The following SPOCK1 variants were observed in gnomAD, a reference collection of about 807,000 sequenced individuals.
SPOCK1 encodes testican-1.
SPOCK1 carries 23 observed loss-of-function variants against 55.3 expected under a neutral mutation model. The observed-to-expected ratio is 0.42, with a 90% CI of 0.30 to 0.59. The LOEUF is 0.59. SPOCK1 is among the 20% of genes least tolerant of loss of function. The pLI is 0.22. For missense variants in SPOCK1, 499 were observed against 552.5 expected (o/e 0.90, Z 0.97); for synonymous variants, 226 against 221.0 (o/e 1.02, Z -0.20).
chr5:137,487,525 C>A (rs116789878), intron 2 of SPOCK1, among the ~76,000 whole-genome samples: 1 of 152,188 alleles, frequency 6.6e-6, no homozygotes, highest in Non-Finnish European at 1.5e-5. Context: ...TTGTTTGTTC[C>A]ATACCCTTAA....
intron 2 of SPOCK1, among the ~76,000 whole-genome samples, chr5:137,423,352 C>G (rs1207774673): frequency 6.6e-6 from 1 of 152,204 alleles, no homozygotes; most frequent in African/African-American, 2.4e-5. Context: ...GATTCTGCTG[C>G]CTTTTGTTTT....
chr5:137,137,527 CT>C (rs1754007755), intron 4 of SPOCK1, among the ~76,000 whole-genome samples: 1 of 152,206 alleles, frequency 6.6e-6, no homozygotes, highest in Admixed American at 6.5e-5. Context: ...CACTCAGGGA[CT>C]TCCTGGACCA....
intron 4 of SPOCK1, among the ~76,000 whole-genome samples, chr5:137,128,741 A>G (rs867516553): frequency 6.6e-6 from 1 of 152,210 alleles, no homozygotes; most frequent in African/African-American, 2.4e-5. Context: ...ACACTAGTAA[A>G]TACTAATAAA....
intron 2 of SPOCK1, among the ~76,000 whole-genome samples, chr5:137,363,633 G>T (rs1750995674): frequency 6.6e-6 from 1 of 152,194 alleles, no homozygotes; most frequent in African/African-American, 2.4e-5. Context: ...AGACAATGTA[G>T]GGTTGGAGGA....
At chr5:137,307,831 A>T (rs2127140647) in intron 2 of SPOCK1, among the ~76,000 whole-genome samples, 1 of 152,358 alleles carries the variant, frequency 6.6e-6, no homozygotes, top group South Asian at 2.1e-4. Context: ...TCTGAAGACT[A>T]GAACGCTGTG....
At chr5:137,096,344 T>C (rs906561593) in intron 5 of SPOCK1, among the ~76,000 whole-genome samples, 2 of 151,312 alleles carry the variant, frequency 1.3e-5, no homozygotes, top group Non-Finnish European at 2.9e-5. Flanking sequence ...TGACAACCAC[T>C]TCTGAGTGAG....
intron 2 of SPOCK1, among the ~76,000 whole-genome samples, chr5:137,484,300 C>T (rs1202631992): frequency 6.6e-6 from 1 of 152,166 alleles, no homozygotes; most frequent in Non-Finnish European, 1.5e-5. Context: ...GAGAACAGGC[C>T]CTGCAAAGCA....
At chr5:137,314,143 C>G (rs1757836045) in intron 2 of SPOCK1, among the ~76,000 whole-genome samples, 1 of 151,996 alleles carries the variant, frequency 6.6e-6, no homozygotes, top group Non-Finnish European at 1.5e-5. Context: ...TCCCCAGCCC[C>G]TCCCCAGCCT....
chr5:137,092,504 C>T (rs888586303), intron 5 of SPOCK1, among the ~76,000 whole-genome samples: 1 of 152,206 alleles, frequency 6.6e-6, no homozygotes, highest in Non-Finnish European at 1.5e-5. Context: ...CCTCAAGAGG[C>T]CCTCCCTGAT....
intron 3 of SPOCK1, among the ~76,000 whole-genome samples, chr5:137,191,503 A>T (rs1470761019): frequency 6.6e-6 from 1 of 152,208 alleles, no homozygotes; most frequent in Non-Finnish European, 1.5e-5. Context: ...GAACATAAAA[A>T]CTTTTGTTTG....
chr5:137,231,129 C>T (rs1397426317), intron 3 of SPOCK1, among the ~76,000 whole-genome samples: 1 of 152,072 alleles, frequency 6.6e-6, no homozygotes, highest in Non-Finnish European at 1.5e-5. Context: ...CTGTAACCTC[C>T]ACCTTCCCGG....
intron 3 of SPOCK1, among the ~76,000 whole-genome samples, chr5:137,169,274 G>C (rs1309973505): frequency 6.6e-6 from 1 of 152,096 alleles, no homozygotes; most frequent in South Asian, 2.1e-4. Context: ...ATATTTGCTA[G>C]AGCAAAAAGG....
intron 2 of SPOCK1, among the ~76,000 whole-genome samples, chr5:137,479,714 C>T (rs894306083): frequency 2.2e-4 from 34 of 152,210 alleles, no homozygotes; most frequent in African/African-American, 8.0e-4. Flanking sequence ...ATCAGAGCCC[C>T]TACCAATAAT....
Position 137,112,475 on chromosome 5 carries a change from G to A in SPOCK1, c.434C>T (p.Ala145Val), listed in dbSNP as rs763042345. ...KCKPCPVAQS[A>V]MVCGSDGHSY... ...GTGGCCATCTGAGCCGCAGACCATG[G>A]CTGACTGTGCCACGGGACAGGGCTT... Residue 145 changes from alanine (A) to valine (V), a missense_variant, in exon 5 of 11, where the codon GCC (alanine) becomes GTC (valine). Physicochemically the swap from Ala to Val is moderately conservative, Grantham distance 64. Transcript: ENST00000394945. 1.9e-6 allele frequency: 3 copies of A among 1,613,940 alleles called. No homozygotes were observed. Among genetic ancestry groups the A allele is most frequent in the East Asian group, 4.5e-5 (2 of 44,872 alleles).
intron 3 of SPOCK1, among the ~76,000 whole-genome samples, chr5:137,147,852 G>T (rs1754233658): frequency 6.6e-6 from 1 of 152,152 alleles, no homozygotes; most frequent in African/African-American, 2.4e-5. Flanking sequence ...GAAACTAGTA[G>T]ATCTATATTT....
chr5:137,326,973 C>G (rs1375493018), intron 2 of SPOCK1, among the ~76,000 whole-genome samples: 1 of 152,144 alleles, frequency 6.6e-6, no homozygotes, highest in Non-Finnish European at 1.5e-5. Flanking sequence ...GAGCCTCACT[C>G]TGAATACACT....
chr5:137,229,127 C>T (rs1756002732), intron 3 of SPOCK1, among the ~76,000 whole-genome samples: 1 of 152,144 alleles, frequency 6.6e-6, no homozygotes. Context: ...AATCTTCAAC[C>T]TATCTTGACT....
chr5:137,393,804 G>A (rs552944954), intron 2 of SPOCK1, among the ~76,000 whole-genome samples: 1 of 152,308 alleles, frequency 6.6e-6, no homozygotes, highest in Non-Finnish European at 1.5e-5. Flanking sequence ...TCAAGGCCAG[G>A]AACATTGTAT....
rs566388434 is a variant in SPOCK1 at position 137,465,579 on chromosome 5, G to A, written c.186+32794C>T. Among the ~76,000 whole-genome samples, 3 of 151,594 alleles carry A rather than the reference G, an allele frequency of 2.0e-5. No homozygotes were observed. In the South Asian group the frequency reaches 6.2e-4, roughly 32 times the overall value. On this transcript the variant is annotated intron_variant, in intron 2 of 10. Transcript: ENST00000394945. ...CACAGGCACATCTCTGCAATACAAA[G>A]TCTGATCTGAAGCAACATTTCAAAT...
Sources: gnomAD v4.1 joint callset for allele counts (sites outside exome capture counted in the v4.1 genomes callset) on GRCh38, gnomAD v4.1.1 for gene constraint, MANE v1.5 for transcripts, NCBI Gene and HGNC (gene_info 2026-07-23, HGNC 2026-07-21) for gene names.